Variants in DNAH5 observed in about 807,000 individuals in gnomAD.
The protein encoded by DNAH5 is axonemal beta dynein heavy chain 5.
A neutral mutation model predicts 518.2 loss-of-function variants in DNAH5; 372 were observed. The observed-to-expected ratio is 0.72, with a 90% CI of 0.66 to 0.78. The LOEUF (loss-of-function observed/expected upper bound fraction) is 0.78. Among genes scored for constraint, DNAH5 ranks in the 30% least tolerant of loss-of-function variants. The pLI is 0.00. For missense variants in DNAH5, 5,523 were observed against 5,687.0 expected (o/e 0.97, Z 0.93); for synonymous variants, 2,039 against 2,025.9 (o/e 1.01, Z -0.17).
chr5:13,966,874 TG>T (rs1781563152), intron 1 of DNAH5, among the ~76,000 whole-genome samples: 1 of 152,252 alleles, frequency 6.6e-6, no homozygotes, highest in African/African-American at 2.4e-5. Flanking sequence ...TTTTGCTTTT[TG>T]TTTTTTGAGA....
chr5:13,760,140 A>T (rs899427681), intron 60 of DNAH5, among the ~76,000 whole-genome samples: 1 of 152,238 alleles, frequency 6.6e-6, no homozygotes, highest in Non-Finnish European at 1.5e-5. Context: ...AGCAACTTAC[A>T]ACTTAAAGTC....
Position 13,914,860 on chromosome 5 carries a change from C to T in DNAH5, c.1198-218G>A, listed in dbSNP as rs79886274. On this transcript the variant is annotated intron_variant, in intron 9 of 78. Transcript: ENST00000265104. ...CAGAGTTGGAAGCACCATGGAAAATCGACAATTTAGGCCACCTTGTCTATG... is the reference window on the plus strand; with the variant it reads ...CAGAGTTGGAAGCACCATGGAAAATTGACAATTTAGGCCACCTTGTCTATG... Among the ~76,000 whole-genome samples the T allele has an allele frequency of 0.014, 2,190 of 152,102 alleles. 51 individuals carry two copies. The highest frequency in any genetic ancestry group is 0.051 in the African/African-American group (2,107 of 41,528).
intron 1 of DNAH5, among the ~76,000 whole-genome samples, chr5:13,950,225 G>GT (rs71600037): frequency 1.2e-4 from 18 of 151,942 alleles, no homozygotes; most frequent in Admixed American, 3.3e-4. Flanking sequence ...CTCCATAAGA[G>GT]TTTTTTTTCC....
In DNAH5 at chr5:13,932,949, G is replaced by A. The variant is rs528593486; in HGVS notation, c.58-1705C>T. Among the ~76,000 whole-genome samples the A allele has an allele frequency of 2.3e-4, 35 of 152,340 alleles. No individual in the cohort carries two copies. The South Asian group carries it at 3.7e-3, about 16-fold the overall frequency. Reference sequence around the variant, plus strand: ...AACATGCAGGTTCTCAATTTAGCACGATGACTTTATGAGACAGACCATTCT... The same window carrying A: ...AACATGCAGGTTCTCAATTTAGCACAATGACTTTATGAGACAGACCATTCT... On this transcript the variant is annotated intron_variant, in intron 1 of 78. Coordinates refer to ENST00000265104, the MANE Select transcript of DNAH5 (RefSeq NM_001369.3).
chr5:13,773,913 A>G (rs1753703250), intron 55 of DNAH5, among the ~76,000 whole-genome samples: 1 of 133,432 alleles, frequency 7.5e-6, no homozygotes, highest in African/African-American at 2.9e-5. Context: ...ATGGAACACA[A>G]CTGGGGGAAA....
At chr5:13,842,437 A>AGAGAGAGAGAGAGAGAG (rs1561407249) in intron 32 of DNAH5, among the ~76,000 whole-genome samples, 1,252 of 91,324 alleles carry the variant, frequency 0.014, 162 homozygotes, top group East Asian at 0.042. Flanking sequence ...GAAAGAAAGA[A>AGAGAGAGAGAGAGAGAG]AGAAAGAAAG....
At position 13,850,797 on chromosome 5, in the gene DNAH5, T is replaced by C. The variant is rs1176950801; in HGVS notation, c.4969A>G (p.Asn1657Asp). The change falls in exon 31 of 79, where the codon AAC becomes GAC. Residue 1657 changes from asparagine to aspartate, a missense_variant. Around this residue, in one of 3 missense-constraint regions of DNAH5, gnomAD observed 5,121 missense variants for 5,223.3 expected, o/e 0.98. Coordinates refer to ENST00000265104, the MANE Select transcript of DNAH5 (RefSeq NM_001369.3). ...QLPKEAKRFS[N>D]IDKSWVKIMT... is the part of the protein sequence containing the mutation. ...ATCTTCACCCAAGATTTATCTATGT[T>C]AGAAAACCGCTTGGCTTCCTATGAG... 7 of 1,614,204 alleles carry C rather than the reference T, an allele frequency of 4.3e-6. No homozygotes were observed. The highest frequency in any genetic ancestry group is 5.9e-6 in the Non-Finnish European group (7 of 1,180,034).
intron 31 of DNAH5, among the ~76,000 whole-genome samples, chr5:13,846,207 G>A (rs935350381): frequency 6.6e-6 from 1 of 151,928 alleles, no homozygotes; most frequent in Non-Finnish European, 1.5e-5. Context: ...CATGTTGGGA[G>A]GTTGGTGTAC....
chr5:13,938,765 C>A (rs1779194469), intron 1 of DNAH5, among the ~76,000 whole-genome samples: 1 of 152,114 alleles, frequency 6.6e-6, no homozygotes, highest in African/African-American at 2.4e-5. Flanking sequence ...CTGTCAATGT[C>A]AACCTCAAGT....
intron 65 of DNAH5, among the ~76,000 whole-genome samples, chr5:13,741,933 T>C (rs1033593851): frequency 3.3e-5 from 5 of 152,184 alleles, no homozygotes; most frequent in Admixed American, 3.3e-4. Context: ...ATGGTGAAGA[T>C]ATCACCAGTA....
intron 46 of DNAH5, among the ~76,000 whole-genome samples, chr5:13,808,246 A>AAAAAAAAAAAAAAAAAG (rs1377994954): frequency 2.1e-5 from 3 of 143,740 alleles, no homozygotes; most frequent in African/African-American, 8.2e-5. Flanking sequence ...AAAAAAAAAA[A>AAAAAAAAAAAAAAAAAG]AAGAGGAAAT....
intron 1 of DNAH5, among the ~76,000 whole-genome samples, chr5:13,976,597 A>G (rs1179146537): frequency 1.3e-5 from 2 of 152,180 alleles, no homozygotes; most frequent in African/African-American, 4.8e-5. Context: ...TCCATTTTAT[A>G]CTAAGTTATT....
chr5:13,820,774 G>A (rs1443993104), intron 40 of DNAH5, among the ~76,000 whole-genome samples: 2 of 139,736 alleles, frequency 1.4e-5, no homozygotes, highest in Admixed American at 7.9e-5. Context: ...GCAGTAAGCC[G>A]AGATTGCACC....
At chr5:13,740,999 T>C (rs1177808065) in intron 65 of DNAH5, among the ~76,000 whole-genome samples, 2 of 152,202 alleles carry the variant, frequency 1.3e-5, no homozygotes, top group Admixed American at 1.3e-4. Flanking sequence ...GCCTGGTACG[T>C]AGTAGGCACT....
chr5:13,922,466 C>T, intron 4 of DNAH5, 138 bp from the exon 5 acceptor site: 1 of 909,662 alleles, frequency 1.1e-6, no homozygotes, highest in Non-Finnish European at 1.7e-6. Context: ...GTGGCTCACA[C>T]CTGTAATCCC....
intron 1 of DNAH5, among the ~76,000 whole-genome samples, chr5:13,962,467 A>T (rs1468349854): frequency 6.6e-6 from 1 of 152,222 alleles, no homozygotes; most frequent in Non-Finnish European, 1.5e-5. Context: ...AACCAAAAAA[A>T]ACAGTCTCAT....
At position 13,702,128 on chromosome 5, in the gene DNAH5, C is replaced by T. The variant is rs543884148; in HGVS notation, c.13339-692G>A. ...TTCACCTGTGGAACTTCCATTATGA[C>T]AACTGGCATGAATATGTCATTAATG... On this transcript the variant is annotated intron_variant, in intron 76 of 78. Coordinates refer to ENST00000265104, the MANE Select transcript of DNAH5 (RefSeq NM_001369.3). Among the ~76,000 whole-genome samples the T allele has an allele frequency of 6.6e-5, 10 of 152,308 alleles. 1 individual carries two copies. The South Asian group carries it at 1.9e-3, about 28-fold the overall frequency.
At chr5:13,764,112 G>A (rs1239388208) in intron 59 of DNAH5, among the ~76,000 whole-genome samples, 1 of 152,088 alleles carries the variant, frequency 6.6e-6, no homozygotes, top group Non-Finnish European at 1.5e-5. Flanking sequence ...AGGTGGACTG[G>A]GTATTCCCAA....
intron 1 of DNAH5, among the ~76,000 whole-genome samples, chr5:13,943,693 C>T (rs549789143): frequency 3.9e-5 from 6 of 152,166 alleles, no homozygotes; most frequent in African/African-American, 1.4e-4. Context: ...GTAAAAACAA[C>T]AGGCTAGGGG....
Sources: gnomAD v4.1 joint callset for allele counts (sites outside exome capture counted in the v4.1 genomes callset) on GRCh38, gnomAD v4.1.1 for gene constraint, gnomAD v4.1.1 regional missense constraint, MANE v1.5 for transcripts, NCBI Gene and HGNC (gene_info 2026-07-23, HGNC 2026-07-21) for gene names.